The following AFAP1L2 variants were observed in gnomAD, a reference collection of about 807,000 sequenced individuals.
AFAP1L2 encodes the protein actin filament-associated protein 1-like 2.
Under a neutral mutation model 99.3 loss-of-function variants are expected in AFAP1L2, and 46 were observed. The observed-to-expected ratio is 0.46, with a 90% CI of 0.37 to 0.59. The LOEUF (loss-of-function observed/expected upper bound fraction) is 0.59, where lower values mean the gene tolerates loss of function less well. Ranked by LOEUF, AFAP1L2 falls within the 20% of genes least tolerant of loss-of-function variation. The pLI, the probability that AFAP1L2 is intolerant of heterozygous loss-of-function variation, is 0.00. For synonymous variants in AFAP1L2, 397 were observed against 419.1 expected, an observed-to-expected ratio of 0.95 and a Z score of 0.64; for missense variants, 959 against 1,034.9, an observed-to-expected ratio of 0.93 and a Z score of 1.01.
At chr10:114,359,448 C>T (rs530108873) in intron 1 of AFAP1L2, among the ~76,000 whole-genome samples, 63 of 152,244 alleles carry the variant, frequency 4.1e-4, no homozygotes, top group Non-Finnish European at 6.3e-4. Context: ...AAAGATGGTG[C>T]GAAGGAGGCT....
chr10:114,313,157 G>A (rs1228153055), intron 7 of AFAP1L2, among the ~76,000 whole-genome samples: 2 of 152,026 alleles, frequency 1.3e-5, no homozygotes, highest in Non-Finnish European at 2.9e-5. Flanking sequence ...GGAAGGAGGG[G>A]AAGGGCTGCT....
intron 2 of AFAP1L2, among the ~76,000 whole-genome samples, chr10:114,333,684 A>G (rs1416145523): frequency 6.6e-6 from 1 of 152,136 alleles, no homozygotes; most frequent in Non-Finnish European, 1.5e-5. Context: ...CAGGCATGGT[A>G]GCTATAATCC....
chr10:114,308,460 G>T lies in AFAP1L2; in HGVS notation c.940C>A (p.His314Asn). ...ASEYGSSVDG[H>N]PEVPETKDVK... The stretch of plus-strand genomic sequence containing the variant: ...TCTTTGGTTTCTGGGACCTCAGGGT[G>T]GCCATCCACGGAGCTCCCATACTCT... The change falls in exon 9 of 19, where the codon CAC (histidine) becomes AAC (asparagine). Residue 314 changes from histidine (H) to asparagine (N), a missense_variant. By Grantham distance (68) the His-to-Asn change is moderately conservative. Coordinates refer to ENST00000304129, the MANE Select transcript of AFAP1L2 (RefSeq NM_001001936.3). 6.2e-7 allele frequency: 1 copy of T among 1,614,172 alleles called. No individual in the cohort carries two copies. Among genetic ancestry groups the T allele is most frequent in the African/African-American group, 1.3e-5 (1 of 75,038 alleles).
At chr10:114,314,806 G>A (rs757608204) in intron 6 of AFAP1L2, among the ~76,000 whole-genome samples, 1 of 127,950 alleles carries the variant, frequency 7.8e-6, no homozygotes, top group Non-Finnish European at 1.8e-5. Context: ...AAATATTGTT[G>A]CTTCTGAGAA....
At chr10:114,396,401 C>T (rs2057721949) in intron 1 of AFAP1L2, among the ~76,000 whole-genome samples, 1 of 152,256 alleles carries the variant, frequency 6.6e-6, no homozygotes, top group South Asian at 2.1e-4. Context: ...ACTTCCACAT[C>T]CTGTCCGCTG....
At chr10:114,327,073 C>G (rs1290157175) in intron 4 of AFAP1L2, among the ~76,000 whole-genome samples, 1 of 146,070 alleles carries the variant, frequency 6.8e-6, no homozygotes, top group African/African-American at 2.5e-5. Context: ...CCTCATCTCA[C>G]AGGGTTAAGG....
intron 1 of AFAP1L2, among the ~76,000 whole-genome samples, chr10:114,372,415 G>A (rs570954555): frequency 1.9e-4 from 29 of 152,238 alleles, no homozygotes; most frequent in African/African-American, 6.5e-4. Flanking sequence ...GGGTAGGAGG[G>A]GCAGGGTTTG....
At chr10:114,286,124 G>A in the AFAP1L2 span, 1 of 1,614,138 alleles carries the variant, frequency 6.2e-7, no homozygotes, top group Non-Finnish European at 8.5e-7. Context: ...GCTGGTGGCG[G>A]TGCCTGTGGG....
intron 1 of AFAP1L2, chr10:114,398,782 G>T (rs924185935): frequency 8.6e-6 from 11 of 1,274,482 alleles, no homozygotes; most frequent in Non-Finnish European, 1.1e-5. Flanking sequence ...GCAGAGCCAG[G>T]TCTGCACCCT....
chr10:114,397,328 T>C (rs1460017398), intron 1 of AFAP1L2, among the ~76,000 whole-genome samples: 2 of 152,190 alleles, frequency 1.3e-5, no homozygotes, highest in Non-Finnish European at 2.9e-5. Flanking sequence ...CAGAAAGTCA[T>C]ATAAATAGAA....
chr10:114,303,848 C>T (rs1401039577), intron 11 of AFAP1L2, among the ~76,000 whole-genome samples: 1 of 152,204 alleles, frequency 6.6e-6, no homozygotes, highest in African/African-American at 2.4e-5. Flanking sequence ...CCTCCCGCTC[C>T]AGCCTGTCAC....
intron 1 of AFAP1L2, among the ~76,000 whole-genome samples, chr10:114,391,003 C>A (rs2057080765): frequency 6.6e-6 from 1 of 152,136 alleles, no homozygotes; most frequent in African/African-American, 2.4e-5. Context: ...TTACTATGTA[C>A]ATTCATGCCT....
chr10:114,354,506 T>A (rs2051016076), intron 1 of AFAP1L2, among the ~76,000 whole-genome samples: 1 of 152,198 alleles, frequency 6.6e-6, no homozygotes, highest in African/African-American at 2.4e-5. Flanking sequence ...CTATCCCATA[T>A]GGTTCAGATT....
chr10:114,359,369 C>T (rs2051879258), intron 1 of AFAP1L2, among the ~76,000 whole-genome samples: 1 of 152,234 alleles, frequency 6.6e-6, no homozygotes, highest in South Asian at 2.1e-4. Flanking sequence ...AAATCCACCA[C>T]TCAAATGCAT....
At chr10:114,384,328 C>A (rs1044967357) in intron 1 of AFAP1L2, among the ~76,000 whole-genome samples, 2 of 151,494 alleles carry the variant, frequency 1.3e-5, no homozygotes. Flanking sequence ...CTGTCGTCCC[C>A]CCCCCGCTGC....
chr10:114,379,403 T>C (rs1360130355), intron 1 of AFAP1L2, among the ~76,000 whole-genome samples: 1 of 151,998 alleles, frequency 6.6e-6, no homozygotes, highest in Non-Finnish European at 1.5e-5. Flanking sequence ...AAAATTGGGA[T>C]CTTCAAAACC....
At chr10:114,291,896 G>A, downstream of AFAP1L2, among the ~76,000 whole-genome samples, 1 of 152,182 alleles carries the variant, frequency 6.6e-6, no homozygotes, top group East Asian at 1.9e-4. Flanking sequence ...TGGGGGAGGG[G>A]CTGAGTGTGC....
In AFAP1L2 at chr10:114,300,483, C is replaced by T; in HGVS notation, c.1750G>A (p.Glu584Lys). 1 of 1,614,088 alleles carries T rather than the reference C, an allele frequency of 6.2e-7. No individual in the cohort carries two copies. Among genetic ancestry groups the T allele is most frequent in the Non-Finnish European group, 8.5e-7 (1 of 1,179,960 alleles). The part of the protein sequence containing the change: ...ADSGPGPTPD[E>K]PCIKCPENLG... ...TTCTCTGGACACTTTATGCAGGGCT[C>T]ATCTGGGGTGGGACCTGGGCCTGAG... The change falls in exon 14 of 19, where the codon GAG (glutamate) becomes AAG (lysine). Residue 584 changes from glutamate (E) to lysine (K), a missense_variant. Coordinates refer to ENST00000304129, the MANE Select transcript of AFAP1L2 (RefSeq NM_001001936.3).
intron 16 of AFAP1L2, among the ~76,000 whole-genome samples, chr10:114,297,775 G>T (rs572025146): frequency 4.0e-5 from 6 of 151,616 alleles, no homozygotes; most frequent in African/African-American, 1.5e-4. Flanking sequence ...AGCTTGACCT[G>T]CCCTACCAAG....
Sources: gnomAD v4.1 joint callset for allele counts (sites outside exome capture counted in the v4.1 genomes callset) on GRCh38, gnomAD v4.1.1 for gene constraint, MANE v1.5 for transcripts, NCBI Gene and HGNC (gene_info 2026-07-23, HGNC 2026-07-21) for gene names.